SKI: variants seen among roughly 807,000 people sequenced by gnomAD.
SKI encodes the protein ski oncogene.
In SKI, 23 loss-of-function variants were observed where a neutral mutation model predicts 59.3. The observed-to-expected ratio is 0.39, with a 90% CI of 0.28 to 0.55. SKI has a LOEUF of 0.55. Ranked by LOEUF, SKI falls within the 20% of genes least tolerant of loss-of-function variation. The pLI is 0.67. For synonymous variants in SKI, 673 were observed against 488.6 expected (o/e 1.38, Z -4.98); for missense variants, 1,017 against 1,038.9 (o/e 0.98, Z 0.29).
chr1:2,306,803 G>GGT lies in SKI; in HGVS notation c.*40_*41dup. 7.1e-7 allele frequency: 1 copy of GGT among 1,408,480 alleles called. No individual in the cohort carries two copies. Among genetic ancestry groups the GGT allele is most frequent in the Non-Finnish European group, 9.2e-7 (1 of 1,081,284 alleles). The allele number at this position is 1,408,480 out of a possible 1,614,324, so 87.2% of individuals were successfully genotyped here. A position where few individuals can be genotyped will look rare whatever the true frequency, so the allele number is the denominator to read the frequency against. On this transcript the variant is annotated 3_prime_UTR_variant, in exon 7 of 7. Coordinates refer to ENST00000378536, the MANE Select transcript of SKI (RefSeq NM_003036.4). Reference sequence around the variant, plus strand: ...CCGCCGCAGCGCCGCCGACAACGCGGGTGCAGGGGGGCGCGGCTGGGCGGT... The same window carrying GGT: ...CCGCCGCAGCGCCGCCGACAACGCGGGTGTGCAGGGGGGCGCGGCTGGGCGGT...
chr1:2,306,269 T>C lies in SKI; in HGVS notation c.1998+19T>C. The stretch of plus-strand genomic sequence containing the variant: ...GGCCCAGGTATGCGGGTGGGGAGAC[T>C]GAGGCACGCAGCACGGTGGGCGTGG... On this transcript the variant is annotated intron_variant, in intron 6 of 6. Transcript: ENST00000378536. 2 of 1,536,790 alleles carry C rather than the reference T, an allele frequency of 1.3e-6. No individual in the cohort carries two copies. Among genetic ancestry groups the C allele is most frequent in the Middle Eastern group, 2.1e-4 (1 of 4,764 alleles).
intron 1 of SKI, among the ~76,000 whole-genome samples, chr1:2,285,977 C>T (rs542290635): frequency 6.6e-6 from 1 of 151,276 alleles, no homozygotes; most frequent in Non-Finnish European, 1.5e-5. Context: ...CGGTTCACGC[C>T]ATTCTCCTGC....
At position 2,309,418 on chromosome 1, in the gene SKI, C is replaced by T. The variant is rs1159848032; in HGVS notation, c.*2653C>T. ...ACTCATACACGTAATGTCTGCTTTT[C>T]GTACAGAACTAGCCAATGTAAAAAC... On this transcript the variant is annotated 3_prime_UTR_variant, in exon 7 of 7. Transcript: ENST00000378536. The T allele has an allele frequency of 1.3e-5, 2 of 152,158 alleles. No individual in the cohort carries two copies. Among genetic ancestry groups the T allele is most frequent in the African/African-American group, 2.4e-5 (1 of 41,418 alleles). 9.4% of individuals were successfully genotyped at this position (152,158 alleles called of 1,614,324 possible).
intron 1 of SKI, among the ~76,000 whole-genome samples, chr1:2,254,544 G>T (rs1241061388): frequency 6.6e-6 from 1 of 152,188 alleles, no homozygotes; most frequent in Non-Finnish European, 1.5e-5. Flanking sequence ...TTGAAGACGC[G>T]GCCTCTGGCT....
At chr1:2,276,008 CA>C (rs1639734865) in intron 1 of SKI, among the ~76,000 whole-genome samples, 1 of 152,192 alleles carries the variant, frequency 6.6e-6, no homozygotes, top group South Asian at 2.1e-4. Context: ...GGCAGCCTCT[CA>C]GAGCTGTTGA....
intron 1 of SKI, among the ~76,000 whole-genome samples, chr1:2,290,101 G>C (rs1640129349): frequency 6.6e-6 from 1 of 152,178 alleles, no homozygotes; most frequent in African/African-American, 2.4e-5. Context: ...TCCTAGAGTG[G>C]GGAGGGAGTC....
intron 1 of SKI, among the ~76,000 whole-genome samples, chr1:2,302,423 T>C (rs1211155702): frequency 6.6e-6 from 1 of 152,188 alleles, no homozygotes; most frequent in African/African-American, 2.4e-5. Flanking sequence ...TTAATGCACC[T>C]GTGCCAGTGG....
rs3065260 is a variant in SKI, at chr1:2,260,535, C to CTTTTTTTTTTTT, written c.969+30812_969+30823dup. ...TCCAATTTTTCAGTTTGTTCTTTTT[C>CTTTTTTTTTTTT]TTTTTTTTTTTTTTTTTTTTTTTGA... On this transcript the variant is annotated intron_variant, in intron 1 of 6. Transcript: ENST00000378536. Among the ~76,000 whole-genome samples the CTTTTTTTTTTTT allele has an allele frequency of 8.0e-3, 545 of 67,756 alleles. 89 individuals carry two copies. The highest frequency in any genetic ancestry group is 0.017 in the African/African-American group (266 of 16,104). The allele number at this position is 67,756 out of a possible 152,430, so 44.5% of individuals were successfully genotyped here. A position where few individuals can be genotyped will look rare whatever the true frequency, so the allele number is the denominator to read the frequency against.
Position 2,253,095 on chromosome 1 carries a change from G to GA in SKI, c.969+23376dup, listed in dbSNP as rs55741448. ...TGGGTGATGGAGTGAGACCCTGTCT[G>GA]AAAAAAAAAAAAAAAATAGAGTTGC... On this transcript the variant is annotated intron_variant, in intron 1 of 6. Transcript: ENST00000378536. Among the ~76,000 whole-genome samples, 480 of 139,696 alleles carry GA rather than the reference G, an allele frequency of 3.4e-3. 2 individuals carry two copies. The highest frequency in any genetic ancestry group is 5.5e-3 in the East Asian group (27 of 4,872). The allele number at this position is 139,696 out of a possible 152,430, so 91.6% of individuals were successfully genotyped here.
chr1:2,284,766 C>T (rs946682970), intron 1 of SKI, among the ~76,000 whole-genome samples: 3 of 152,122 alleles, frequency 2.0e-5, no homozygotes, highest in South Asian at 2.1e-4. Flanking sequence ...GGATGGCCGG[C>T]GTGGCTGTAA....
intron 1 of SKI, among the ~76,000 whole-genome samples, chr1:2,279,046 C>T (rs1386149163): frequency 6.6e-6 from 1 of 152,200 alleles, no homozygotes; most frequent in Non-Finnish European, 1.5e-5. Flanking sequence ...TGGCCAGCTG[C>T]TCGGGGGCTT....
rs1372442523 is a variant in SKI, at chr1:2,267,660, TG to T, written c.970-35313del. Among the ~76,000 whole-genome samples the T allele has an allele frequency of 6.6e-6, 1 of 152,000 alleles. No homozygotes were observed. The highest frequency in any genetic ancestry group is 2.4e-5 in the African/African-American group (1 of 41,368). The stretch of plus-strand genomic sequence containing the variant: ...CCAGAGGCCTGGGAAAGGCTTGTTG[TG>T]GGGGCGGGGGGCGCACCACACTTCA... On this transcript the variant is annotated intron_variant, in intron 1 of 6. Coordinates refer to ENST00000378536, the MANE Select transcript of SKI (RefSeq NM_003036.4). This position sits in a 1 kb window ranked among gnomAD's most constrained non-coding sequence, Gnocchi z 4.1.
At chr1:2,237,741 C>T (rs1366614482) in intron 1 of SKI, among the ~76,000 whole-genome samples, 1 of 152,266 alleles carries the variant, frequency 6.6e-6, no homozygotes, top group Non-Finnish European at 1.5e-5. Flanking sequence ...AAATAAGGCC[C>T]ATAGGCTGGG....
intron 1 of SKI, among the ~76,000 whole-genome samples, chr1:2,236,902 TAGAA>T (rs1014303035): frequency 5.9e-5 from 9 of 152,206 alleles, no homozygotes; most frequent in African/African-American, 1.4e-4. Flanking sequence ...GCGGCTGACT[TAGAA>T]AGAAACAGCT....
chr1:2,301,365 A>G (rs1365740379), intron 1 of SKI, among the ~76,000 whole-genome samples: 3 of 152,122 alleles, frequency 2.0e-5, no homozygotes, highest in Non-Finnish European at 4.4e-5. Context: ...AAAACCATCC[A>G]CAGCCGTGAG....
chr1:2,281,135 A>G (rs112797590), intron 1 of SKI, among the ~76,000 whole-genome samples: 3,571 of 4,140 alleles, frequency 0.86, 1,540 homozygotes, highest in East Asian at 1. Flanking sequence ...ATGCCCGAGA[A>G]GACAGGCGGT....
intron 1 of SKI, among the ~76,000 whole-genome samples, chr1:2,237,836 G>A (rs888676077): frequency 5.3e-5 from 8 of 152,212 alleles, no homozygotes; most frequent in Non-Finnish European, 7.4e-5. Flanking sequence ...TGCAGAACAC[G>A]CGTGAACGCC....
At chr1:2,283,163 G>A (rs1288262047) in intron 1 of SKI, among the ~76,000 whole-genome samples, 1 of 152,246 alleles carries the variant, frequency 6.6e-6, no homozygotes, top group East Asian at 1.9e-4. Context: ...TTTGTGCGGA[G>A]GCTGGGTCCC....
chr1:2,280,140 C>T (rs943581871), intron 1 of SKI, among the ~76,000 whole-genome samples: 12 of 151,238 alleles, frequency 7.9e-5, no homozygotes, highest in Non-Finnish European at 1.2e-4. Context: ...GAGGCCGAGG[C>T]GGGTGGCTAA....
Sources: gnomAD v4.1 joint callset for allele counts (sites outside exome capture counted in the v4.1 genomes callset) on GRCh38, gnomAD v4.1.1 for gene constraint, Gnocchi (gnomAD v3.1) non-coding constraint, MANE v1.5 for transcripts, NCBI Gene and HGNC (gene_info 2026-07-23, HGNC 2026-07-21) for gene names.